The following NUP107 variants were observed in gnomAD, a reference collection of about 807,000 sequenced individuals.
The protein encoded by NUP107 is nucleoporin 107, also known as nuclear pore complex protein Nup107.
A neutral mutation model predicts 141.0 loss-of-function variants in NUP107; 101 were observed. The ratio of observed to expected loss-of-function variants is 0.72; its 90% confidence interval spans 0.61 to 0.84. NUP107 has a LOEUF of 0.84. Among genes scored for constraint, NUP107 ranks in the 40% least tolerant of loss-of-function variants. The pLI, the probability that NUP107 is intolerant of heterozygous loss-of-function variation, is 0.00. For synonymous variants in NUP107, 319 were observed against 363.9 expected (o/e 0.88, Z 1.41); for missense variants, 941 against 1,102.7 (o/e 0.85, Z 2.08).
At position 68,689,012 on chromosome 12, in the gene NUP107, C is replaced by T. The variant is rs1242005994; in HGVS notation, c.59C>T (p.Thr20Ile). The change falls in exon 2 of 28, where the codon ACA becomes ATA. Residue 20 changes from threonine (T) to isoleucine (I), a missense_variant. By Grantham distance (89) the Thr-to-Ile change is moderately conservative. Coordinates refer to ENST00000229179, the MANE Select transcript of NUP107 (RefSeq NM_020401.4). ...CCTGTAATCCGGGAGGCAGAGGTGA[C>T]ACGGACTGCACGGAAACAGAGTGCT... ...SSPVIREAEVTRTARKQSAQK... is the reference protein window; with the variant it reads ...SSPVIREAEVIRTARKQSAQK... 6.2e-7 allele frequency: 1 copy of T among 1,613,560 alleles called. No homozygotes were observed. Among genetic ancestry groups the T allele is most frequent in the African/African-American group, 1.3e-5 (1 of 74,902 alleles).
chr12:68,736,717 C>CTTTTTTTTTTTTTTTTTT (rs10713889), intron 26 of NUP107, among the ~76,000 whole-genome samples: 2 of 105,894 alleles, frequency 1.9e-5, no homozygotes, highest in African/African-American at 7.5e-5. Flanking sequence ...GTGTCGCCAC[C>CTTTTTTTTTTTTTTTTTT]TTTTTTTTTT....
chr12:68,728,675 G>T (rs548590283), intron 20 of NUP107, among the ~76,000 whole-genome samples: 1 of 149,910 alleles, frequency 6.7e-6, no homozygotes, highest in Non-Finnish European at 1.5e-5. Flanking sequence ...CTCCCAAAGA[G>T]CTGGGATTAC....
rs115484871 is a variant in NUP107 at position 68,707,490 on chromosome 12, A to G, written c.730-1748A>G. Among the ~76,000 whole-genome samples the G allele has an allele frequency of 4.8e-3, 726 of 152,212 alleles. 11 individuals carry two copies. Among genetic ancestry groups the G allele is most frequent in the African/African-American group, 0.016 (672 of 41,542 alleles). ...GTGGTGCATGCCTAGTCCCATCTAC[A>G]TGTGAGGCTGAGATGGGAGGATCGC... On this transcript the variant is annotated intron_variant, in intron 8 of 27. Coordinates refer to ENST00000229179, the MANE Select transcript of NUP107 (RefSeq NM_020401.4).
At chr12:68,718,688 G>A (rs537050991) in intron 12 of NUP107, among the ~76,000 whole-genome samples, 1 of 140,458 alleles carries the variant, frequency 7.1e-6, no homozygotes, top group South Asian at 2.1e-4. Context: ...CCAACACGTT[G>A]GGAGGCTGAG....
At chr12:68,726,840 T>C (rs2136038845) in intron 19 of NUP107, among the ~76,000 whole-genome samples, 1 of 152,358 alleles carries the variant, frequency 6.6e-6, no homozygotes, top group Middle Eastern at 3.4e-3. Context: ...TGGTTTTTAA[T>C]AAATTCATAA....
At chr12:68,725,837 G>T (rs199638227) in intron 18 of NUP107, 41 bp downstream of exon 18, 2,518 of 620,400 alleles carry the variant, frequency 4.1e-3, no homozygotes, top group South Asian at 7.7e-3. Flanking sequence ...TTTTGTGTGT[G>T]TTTTTTTTTT....
intron 4 of NUP107, among the ~76,000 whole-genome samples, chr12:68,691,050 A>G (rs1048143303): frequency 1.3e-5 from 2 of 152,210 alleles, no homozygotes; most frequent in Non-Finnish European, 2.9e-5. Flanking sequence ...AGAAAAAAAA[A>G]AGAGAAAAAA....
Position 68,710,047 on chromosome 12 carries a change from G to T in NUP107, c.844G>T (p.Gly282Ter). The stretch of plus-strand genomic sequence containing the variant: ...AGAGAGTATTGCCAAAGATGAAATT[G>T]GAGAATTTTCTGATAATATTGAGTT... ...WLESIAKDEI[G>*]EFSDNIEFYA... is the part of the protein sequence containing the mutation. Residue 282 changes from glycine (G) to a stop codon, truncating the protein, a stop_gained, in exon 10 of 28, where the codon GGA (glycine) becomes TGA (stop). Coordinates refer to ENST00000229179, the MANE Select transcript of NUP107 (RefSeq NM_020401.4). LOFTEE classifies it high-confidence loss of function. 1 of 1,600,448 alleles carries T rather than the reference G, an allele frequency of 6.2e-7. No homozygotes were observed. The highest frequency in any genetic ancestry group is 1.1e-5 in the South Asian group (1 of 90,540).
At chr12:68,690,065 A>G (rs995217126) in intron 3 of NUP107, among the ~76,000 whole-genome samples, 1 of 151,960 alleles carries the variant, frequency 6.6e-6, no homozygotes, top group East Asian at 1.9e-4. Flanking sequence ...CTGTAATCCC[A>G]GCTACTCCGG....
At chr12:68,706,275 T>C in intron 8 of NUP107, 1 of 816,042 alleles carries the variant, frequency 1.2e-6, no homozygotes, top group Admixed American at 1.7e-5. Flanking sequence ...GAGTCTCACC[T>C]GGAAGGGCTT....
At chr12:68,697,730 G>T (rs1210954762) in intron 6 of NUP107, among the ~76,000 whole-genome samples, 1 of 152,064 alleles carries the variant, frequency 6.6e-6, no homozygotes, top group Non-Finnish European at 1.5e-5. Flanking sequence ...TGGCAAATAA[G>T]CATATAAAAA....
At position 68,693,081 on chromosome 12, in the gene NUP107, A is replaced by ATTTT. The variant is rs200195932; in HGVS notation, c.448+972_448+973insTTTT. ...TAATTTTTTATTTATTTATTTATTT[A>ATTTT]TTTATTTTTTTTTTTAGACGGAGTC... On this transcript the variant is annotated intron_variant, in intron 5 of 27. Coordinates refer to ENST00000229179, the MANE Select transcript of NUP107 (RefSeq NM_020401.4). Among the ~76,000 whole-genome samples the ATTTT allele has an allele frequency of 5.9e-5, 8 of 136,502 alleles. No homozygotes were observed. In the East Asian group the frequency reaches 1.5e-3, roughly 26 times the overall value. 89.6% of individuals were successfully genotyped at this position (136,502 alleles called of 152,430 possible). A position where few individuals can be genotyped will look rare whatever the true frequency, so the allele number is the denominator to read the frequency against.
At chr12:68,691,694 C>T (rs1393861605) in intron 4 of NUP107, among the ~76,000 whole-genome samples, 3 of 151,908 alleles carry the variant, frequency 2.0e-5, no homozygotes, top group Non-Finnish European at 4.4e-5. Context: ...ATTAGCCAGG[C>T]GTGGTGGCAC....
At position 68,742,361 on chromosome 12, in the gene NUP107, T is replaced by G. The variant is rs1878355365; in HGVS notation, c.2677T>G (p.Ser893Ala). The G allele has an allele frequency of 1.2e-6, 2 of 1,601,050 alleles. No individual in the cohort carries two copies. The highest frequency in any genetic ancestry group is 1.7e-4 in the Middle Eastern group (1 of 6,032). Residue 893 changes from serine to alanine, a missense_variant, in exon 28 of 28, where the codon TCT becomes GCT. By Grantham distance (99) the Ser-to-Ala change is moderately conservative. Transcript: ENST00000229179. ...SERHKLYLVF[S>A]KEELRKLLQK... ...TTCTCTTTTTAAAAATCAGGTATTTTCTAAGGAAGAGCTAAGGAAGTTGCT... is the reference window on the plus strand; with the variant it reads ...TTCTCTTTTTAAAAATCAGGTATTTGCTAAGGAAGAGCTAAGGAAGTTGCT...
At chr12:68,734,432 A>G (rs1285729790) in intron 24 of NUP107, among the ~76,000 whole-genome samples, 1 of 152,230 alleles carries the variant, frequency 6.6e-6, no homozygotes, top group Non-Finnish European at 1.5e-5. Context: ...ACACATGCAT[A>G]TGTTACAGAG....
intron 5 of NUP107, among the ~76,000 whole-genome samples, chr12:68,696,526 A>G (rs1876064259): frequency 6.6e-6 from 1 of 152,056 alleles, no homozygotes; most frequent in Non-Finnish European, 1.5e-5. Context: ...CAGCCTGGCC[A>G]ATATGGTGAA....
chr12:68,731,534 CATT>C (rs1473725504), intron 21 of NUP107, 70 bp from the exon 22 acceptor site: 27 of 792,634 alleles, frequency 3.4e-5, no homozygotes, highest in Non-Finnish European at 4.0e-5. Flanking sequence ...TTTACTGAAT[CATT>C]ATGACTATTT....
At chr12:68,713,680 A>G in intron 10 of NUP107, 50 bp from the exon 11 acceptor site, 1 of 1,215,476 alleles carries the variant, frequency 8.2e-7, no homozygotes. Flanking sequence ...TTAAAAATAG[A>G]CCTATTAAAA....
In NUP107 at chr12:68,742,281, A is replaced by T. The variant is rs1028463509; in HGVS notation, c.2671-74A>T. On this transcript the variant is annotated intron_variant, in intron 27 of 27. Transcript: ENST00000229179. ...TTTCTTCTTATATGAAGCTAATCAG[A>T]TCGATTAGGTAACTAAGTTCATACT... 1.2e-5 allele frequency: 11 copies of T among 931,148 alleles called. 1 individual carries two copies. The highest frequency in any genetic ancestry group is 1.9e-5 in the Non-Finnish European group (11 of 577,724). The allele number at this position is 931,148 out of a possible 1,614,324, so 57.7% of individuals were successfully genotyped here.
Sources: gnomAD v4.1 joint callset for allele counts (sites outside exome capture counted in the v4.1 genomes callset) on GRCh38, gnomAD v4.1.1 for gene constraint, MANE v1.5 for transcripts, NCBI Gene and HGNC (gene_info 2026-07-23, HGNC 2026-07-21) for gene names.